LIPC: variants seen among roughly 807,000 people sequenced by gnomAD.
LIPC encodes hepatic triacylglycerol lipase.
A neutral mutation model predicts 50.7 loss-of-function variants in LIPC; 44 were observed. That is an observed-to-expected ratio of 0.87 (90% CI 0.68 to 1.11). The LOEUF (loss-of-function observed/expected upper bound fraction) is 1.11, where lower values mean the gene tolerates loss of function less well. Among genes scored for constraint, LIPC ranks in the 50% most tolerant of loss-of-function variants. The pLI is 0.00. For synonymous variants in LIPC, 271 were observed against 256.4 expected (o/e 1.06, Z -0.54); for missense variants, 697 against 648.2 (o/e 1.08, Z -0.82).
At chr15:58,506,673 C>A (rs1234546484) in intron 1 of LIPC, among the ~76,000 whole-genome samples, 1 of 152,208 alleles carries the variant, frequency 6.6e-6, no homozygotes, top group Admixed American at 6.5e-5. Flanking sequence ...TCCCTGAAGA[C>A]ACAGGCTCAA....
chr15:58,471,328 T>TGCAG (rs1555399294), intron 1 of LIPC, among the ~76,000 whole-genome samples: 1 of 114,182 alleles, frequency 8.8e-6, no homozygotes, highest in African/African-American at 3.4e-5. Flanking sequence ...TTAGTAGAGA[T>TGCAG]GGGGGGGGGT....
intron 1 of LIPC, among the ~76,000 whole-genome samples, chr15:58,499,221 T>G (rs1385192405): frequency 6.6e-6 from 1 of 152,174 alleles, no homozygotes; most frequent in Non-Finnish European, 1.5e-5. Flanking sequence ...CCCTAAGAAT[T>G]TTGTACTTTG....
At chr15:58,496,286 T>C (rs1193800381) in intron 1 of LIPC, among the ~76,000 whole-genome samples, 1 of 152,156 alleles carries the variant, frequency 6.6e-6, no homozygotes, top group Non-Finnish European at 1.5e-5. Context: ...CACAGTAGAA[T>C]CATGTGGCCC....
chr15:58,538,526 T>C lies in LIPC; in HGVS notation c.273+9T>C, dbSNP rs1893219135. 6.2e-7 allele frequency: 1 copy of C among 1,613,432 alleles called. No homozygotes were observed. Among genetic ancestry groups the C allele is most frequent in the African/African-American group, 1.3e-5 (1 of 74,902 alleles). On this transcript the variant is annotated intron_variant, in intron 2 of 8. Transcript: ENST00000299022. ...TAATCCACGGGTGGTCGGTAGGAAA[T>C]GCTGACATGCCGTTTTTCTCTCCGA... is the stretch of plus-strand genomic sequence containing the variant.
At chr15:58,472,350 G>A (rs1890841123) in intron 1 of LIPC, among the ~76,000 whole-genome samples, 2 of 150,420 alleles carry the variant, frequency 1.3e-5, no homozygotes, top group South Asian at 4.2e-4. Flanking sequence ...CGAGGGAGGT[G>A]AATCACATGA....
chr15:58,538,375 C>T lies in LIPC; in HGVS notation c.131C>T (p.Thr44Met), dbSNP rs549763129. The change falls in exon 2 of 9, where the codon ACG (threonine) becomes ATG (methionine). Residue 44 changes from threonine (T) to methionine (M), a missense_variant. Thr to Met is a moderately conservative substitution (Grantham distance 81, BLOSUM62 -1). Coordinates refer to ENST00000299022, the MANE Select transcript of LIPC (RefSeq NM_000236.3). ...GCTCAAGCTGTTGAAACAAACAAAA[C>T]GCTGCATGAGATGAAGACCAGATTC... Reference protein sequence around the residue: ...RRAQAVETNKTLHEMKTRFLL... With the variant: ...RRAQAVETNKMLHEMKTRFLL... 2.4e-5 allele frequency: 39 copies of T among 1,614,048 alleles called. No individual in the cohort carries two copies. Among genetic ancestry groups the T allele is most frequent in the Admixed American group, 5.0e-5 (3 of 60,004 alleles).
At chr15:58,477,891 T>C (rs528058900) in intron 1 of LIPC, among the ~76,000 whole-genome samples, 1 of 152,260 alleles carries the variant, frequency 6.6e-6, no homozygotes, top group East Asian at 1.9e-4. Flanking sequence ...TTGAGCCACA[T>C]GGCAGTCCGC....
At chr15:58,554,129 T>G (rs2140938821) in intron 6 of LIPC, among the ~76,000 whole-genome samples, 1 of 152,316 alleles carries the variant, frequency 6.6e-6, no homozygotes, top group African/African-American at 2.4e-5. Flanking sequence ...TTTCATAAAT[T>G]CAATAACCTG....
intron 1 of LIPC, among the ~76,000 whole-genome samples, chr15:58,450,828 T>C (rs1310474072): frequency 1.3e-5 from 2 of 152,174 alleles, no homozygotes; most frequent in African/African-American, 4.8e-5. Flanking sequence ...CCTAAGCGAT[T>C]TTCCCTGCAG....
intron 6 of LIPC, among the ~76,000 whole-genome samples, chr15:58,550,798 T>C (rs186850510): frequency 2.2e-4 from 33 of 148,570 alleles, no homozygotes; most frequent in African/African-American, 8.4e-4. Context: ...CTGTGGCTTG[T>C]ACCACACCCT....
chr15:58,445,673 G>C (rs561532429), intron 1 of LIPC, among the ~76,000 whole-genome samples: 29 of 152,344 alleles, frequency 1.9e-4, no homozygotes, highest in African/African-American at 6.7e-4. Context: ...GGAGTTGAAA[G>C]ACCTGGGCCT....
intron 7 of LIPC, among the ~76,000 whole-genome samples, chr15:58,562,508 T>TC (rs1311494926): frequency 1.3e-5 from 2 of 152,094 alleles, no homozygotes; most frequent in Non-Finnish European, 1.5e-5. Flanking sequence ...ACTCTGAGGC[T>TC]CCCCAGCCTC....
intron 8 of LIPC, chr15:58,565,499 A>G: frequency 1.4e-6 from 2 of 1,381,966 alleles, no homozygotes; most frequent in South Asian, 3.5e-5. Flanking sequence ...GCATTGAAGC[A>G]GGTGCTCCAT....
At chr15:58,439,567 C>A (rs1231566520) in intron 1 of LIPC, among the ~76,000 whole-genome samples, 2 of 152,204 alleles carry the variant, frequency 1.3e-5, no homozygotes, top group Non-Finnish European at 1.5e-5. Flanking sequence ...CCTCAGCCTC[C>A]TGAGTAGCCG....
At chr15:58,538,265 T>C (rs754637875) in intron 1 of LIPC, 68 bp from the exon 2 acceptor site, 86 of 1,488,928 alleles carry the variant, frequency 5.8e-5, no homozygotes, top group Non-Finnish European at 7.8e-5. Context: ...AAGCAGCCTT[T>C]GAGAAGACGG....
intron 1 of LIPC, among the ~76,000 whole-genome samples, chr15:58,493,942 C>T (rs1891680495): frequency 6.6e-6 from 1 of 152,074 alleles, no homozygotes; most frequent in Non-Finnish European, 1.5e-5. Context: ...AGAACAACCC[C>T]AGGTAGGAGG....
chr15:58,534,365 C>G (rs1411993047), intron 1 of LIPC, among the ~76,000 whole-genome samples: 1 of 152,126 alleles, frequency 6.6e-6, no homozygotes, highest in Non-Finnish European at 1.5e-5. Flanking sequence ...TAGGAATAAG[C>G]GACAGACTCT....
intron 1 of LIPC, among the ~76,000 whole-genome samples, chr15:58,500,402 C>T (rs750035411): frequency 1.3e-4 from 20 of 152,190 alleles, no homozygotes; most frequent in African/African-American, 3.9e-4. Flanking sequence ...CTCGTCTGAA[C>T]GTGCTTCCAT....
At chr15:58,554,548 T>C (rs1029994991) in intron 6 of LIPC, among the ~76,000 whole-genome samples, 7 of 79,042 alleles carry the variant, frequency 8.9e-5, no homozygotes, top group African/African-American at 3.0e-4. Flanking sequence ...GTCTTTTCTT[T>C]TCTTCCTTTT....
Sources: allele counts gnomAD v4.1 joint callset (sites outside exome capture counted in the v4.1 genomes callset), GRCh38; gene constraint gnomAD v4.1.1; transcripts MANE v1.5; gene names NCBI Gene and HGNC (gene_info 2026-07-23, HGNC 2026-07-21).